PCDH15: variants seen among roughly 807,000 people sequenced by gnomAD.
The protein encoded by PCDH15 is protocadherin related 15.
In PCDH15, 129 loss-of-function variants were observed where a neutral mutation model predicts 178.5. The ratio of observed to expected loss-of-function variants is 0.72; its 90% CI spans 0.63 to 0.84. The LOEUF is 0.84. Ranked by LOEUF, PCDH15 falls within the 40% of genes least tolerant of loss-of-function variation. The pLI, the probability that PCDH15 is intolerant of heterozygous loss-of-function variation, is 0.00. For missense variants in PCDH15, 2,230 were observed against 2,099.9 expected (o/e 1.06, Z -1.21); for synonymous variants, 800 against 732.0 (o/e 1.09, Z -1.50).
intron 3 of PCDH15, among the ~76,000 whole-genome samples, chr10:54,427,980 A>G (rs1277275540): frequency 6.6e-6 from 1 of 152,322 alleles, no homozygotes; most frequent in Middle Eastern, 3.4e-3. Flanking sequence ...ACAAAACAAC[A>G]AAAACAACAA....
At position 54,126,263 on chromosome 10, in the gene PCDH15, G is replaced by T. The variant is rs545748544; in HGVS notation, c.1917+6612C>A. Among the ~76,000 whole-genome samples, 79 of 152,048 alleles carry T rather than the reference G, an allele frequency of 5.2e-4. 2 individuals carry two copies. In the South Asian group the frequency reaches 0.016, roughly 30 times the overall value. On this transcript the variant is annotated intron_variant, in intron 15 of 37. Coordinates refer to ENST00000644397, the MANE Select transcript of PCDH15 (RefSeq NM_001384140.1). ...TTTTTGTATTTTTAGTAGAGACAGG[G>T]ATTCACCATATTGGCCAGATGGGTC...
chr10:54,306,565 C>T (rs142717997), intron 8 of PCDH15, among the ~76,000 whole-genome samples: 43 of 152,044 alleles, frequency 2.8e-4, no homozygotes, highest in South Asian at 1.9e-3. Flanking sequence ...TGCAGCCAAC[C>T]GATATCATAG....
At chr10:55,448,048 T>A (rs1161061491) in intron 2 of PCDH15, among the ~76,000 whole-genome samples, 1 of 152,046 alleles carries the variant, frequency 6.6e-6, no homozygotes, top group African/African-American at 2.4e-5. Context: ...TGTTTCATTA[T>A]GAATTTTATG....
intron 1 of PCDH15, among the ~76,000 whole-genome samples, chr10:55,237,311 A>G (rs529276915): frequency 6.6e-6 from 1 of 152,206 alleles, no homozygotes; most frequent in Non-Finnish European, 1.5e-5. Flanking sequence ...ACAGGTTATG[A>G]GCTAATTTGT....
chr10:54,920,452 G>A (rs1176299511), intron 2 of PCDH15, among the ~76,000 whole-genome samples: 3 of 106,274 alleles, frequency 2.8e-5, no homozygotes, highest in African/African-American at 3.8e-5. Flanking sequence ...CTGGACGACA[G>A]AGCAAGACTG....
chr10:54,443,829 G>A (rs2075984859), intron 3 of PCDH15, among the ~76,000 whole-genome samples: 1 of 151,606 alleles, frequency 6.6e-6, no homozygotes, highest in South Asian at 2.1e-4. Context: ...ACTTCCATCA[G>A]CTCACCATTG....
chr10:54,620,538 C>A (rs2093321891), intron 2 of PCDH15, among the ~76,000 whole-genome samples: 1 of 151,976 alleles, frequency 6.6e-6, no homozygotes, highest in Non-Finnish European at 1.5e-5. Flanking sequence ...TGTGCCAGTG[C>A]ACCTTCAGAA....
intron 2 of PCDH15, among the ~76,000 whole-genome samples, chr10:54,565,046 T>C (rs958173023): frequency 2.6e-5 from 4 of 152,110 alleles, no homozygotes; most frequent in South Asian, 2.1e-4. Context: ...AGTGGATGCA[T>C]TGATCTAGCA....
intron 25 of PCDH15, among the ~76,000 whole-genome samples, chr10:53,906,146 AATAAAT>A (rs1282653418): frequency 2.6e-5 from 4 of 152,238 alleles, no homozygotes; most frequent in South Asian, 4.1e-4. Context: ...GTCAACTAAA[AATAAAT>A]ATAAAGTTGT....
At chr10:55,348,560 T>C (rs1844823948) in intron 2 of PCDH15, among the ~76,000 whole-genome samples, 1 of 152,156 alleles carries the variant, frequency 6.6e-6, no homozygotes, top group African/African-American at 2.4e-5. Context: ...CATAGTGTTT[T>C]ATAGTAAGAA....
At chr10:55,514,032 A>T (rs1334530) in intron 2 of PCDH15, among the ~76,000 whole-genome samples, 6,942 of 152,124 alleles carry the variant, frequency 0.046, 412 homozygotes, top group East Asian at 0.29. Context: ...TCAAAGGCAA[A>T]ACAATTTCTA....
chr10:54,817,890 T>G (rs1339343128), intron 3 of PCDH15, among the ~76,000 whole-genome samples: 1 of 152,062 alleles, frequency 6.6e-6, no homozygotes, highest in Non-Finnish European at 1.5e-5. Flanking sequence ...TTTACACATA[T>G]GCTAAAAGCC....
intron 20 of PCDH15, among the ~76,000 whole-genome samples, chr10:54,006,925 T>A (rs552780075): frequency 4.6e-5 from 7 of 152,088 alleles, no homozygotes; most frequent in Admixed American, 6.6e-5. Flanking sequence ...CAAGGGTCAA[T>A]CTAGTCTCCC....
At chr10:54,253,177 A>T (rs2056634495) in intron 8 of PCDH15, among the ~76,000 whole-genome samples, 1 of 152,114 alleles carries the variant, frequency 6.6e-6, no homozygotes, top group African/African-American at 2.4e-5. Context: ...AACTGGAGAA[A>T]ATTTAAAAGA....
At chr10:55,052,844 C>T (rs1034031281) in intron 2 of PCDH15, among the ~76,000 whole-genome samples, 1 of 152,022 alleles carries the variant, frequency 6.6e-6, no homozygotes, top group Non-Finnish European at 1.5e-5. Flanking sequence ...ATAAATCTGT[C>T]GTCAAAATCA....
chr10:55,445,428 G>C (rs1839294097), intron 2 of PCDH15, among the ~76,000 whole-genome samples: 1 of 152,056 alleles, frequency 6.6e-6, no homozygotes, highest in Admixed American at 6.6e-5. Flanking sequence ...TCTGACTTCT[G>C]AGACACGGGA....
chr10:55,553,405 C>T (rs1356753771), intron 2 of PCDH15, among the ~76,000 whole-genome samples: 1 of 151,792 alleles, frequency 6.6e-6, no homozygotes, highest in African/African-American at 2.4e-5. Context: ...CATTATTACT[C>T]ACTAAAGGCT....
At chr10:53,886,850 C>T (rs1212688778) in intron 26 of PCDH15, among the ~76,000 whole-genome samples, 1 of 152,116 alleles carries the variant, frequency 6.6e-6, no homozygotes, top group Non-Finnish European at 1.5e-5. Flanking sequence ...TGCTGAGTGT[C>T]GAAATCCCTC....
At chr10:53,885,935 A>G (rs2081062622) in intron 26 of PCDH15, among the ~76,000 whole-genome samples, 1 of 152,210 alleles carries the variant, frequency 6.6e-6, no homozygotes. Flanking sequence ...TTCTATACTA[A>G]TGCTGAAGGT....
Sources: allele counts gnomAD v4.1 joint callset (sites outside exome capture counted in the v4.1 genomes callset), GRCh38; gene constraint gnomAD v4.1.1; transcripts MANE v1.5; gene names NCBI Gene and HGNC (gene_info 2026-07-23, HGNC 2026-07-21).